FLRT1: variants seen among roughly 807,000 people sequenced by gnomAD.
FLRT1 encodes the protein leucine-rich repeat transmembrane protein FLRT1.
In FLRT1, 14 loss-of-function variants were observed where a neutral mutation model predicts 30.9. The ratio of observed to expected loss-of-function variants is 0.45; its 90% CI spans 0.30 to 0.71. FLRT1 has a LOEUF of 0.71. Among genes scored for constraint, FLRT1 ranks in the 30% least tolerant of loss-of-function variants. The probability of loss-of-function intolerance (pLI) is 0.08; values close to 1 mark genes in which losing one functional copy is unlikely to be tolerated. For missense variants in FLRT1, 737 were observed against 949.2 expected, an observed-to-expected ratio of 0.78 and a Z score of 2.94; for synonymous variants, 368 against 430.4, an observed-to-expected ratio of 0.85 and a Z score of 1.80.
At chr11:64,050,839 G>A (rs543383073) in intron 1 of FLRT1, among the ~76,000 whole-genome samples, 2 of 152,312 alleles carry the variant, frequency 1.3e-5, no homozygotes, top group South Asian at 2.1e-4. Flanking sequence ...GGCTGGTCTC[G>A]AACTCCTGAC....
rs1376784257 is a variant in FLRT1 at position 64,119,010 on chromosome 11, AG to A, written c.*719del. ...CACGCTCCGTAGAAGCCCCGGCGGA[AG>A]CCGTAGCTTTCCCTGCCACCTGGAG... is the stretch of plus-strand genomic sequence containing the variant. On this transcript the variant is annotated 3_prime_UTR_variant, in exon 3 of 3. Coordinates refer to ENST00000682287, the MANE Select transcript of FLRT1 (RefSeq NM_013280.5). 6.0e-6 allele frequency: 1 copy of A among 167,160 alleles called. No individual in the cohort carries two copies. Among genetic ancestry groups the A allele is most frequent in the African/African-American group, 2.4e-5 (1 of 41,424 alleles). 10.4% of individuals were successfully genotyped at this position (167,160 alleles called of 1,614,324 possible).
chr11:64,057,671 A>G (rs1390315901), intron 1 of FLRT1, among the ~76,000 whole-genome samples: 1 of 152,194 alleles, frequency 6.6e-6, no homozygotes, highest in Non-Finnish European at 1.5e-5. Flanking sequence ...CAGGGTCCCC[A>G]GGGTGTCTGC....
At chr11:64,102,961 C>A (rs1437944637) in intron 1 of FLRT1, among the ~76,000 whole-genome samples, 1 of 152,020 alleles carries the variant, frequency 6.6e-6, no homozygotes, top group Non-Finnish European at 1.5e-5. Context: ...GTCCTAGCTC[C>A]TTGGGAGGCT....
chr11:64,050,854 G>A (rs1281695548), intron 1 of FLRT1, among the ~76,000 whole-genome samples: 2 of 152,192 alleles, frequency 1.3e-5, no homozygotes, highest in Non-Finnish European at 2.9e-5. Context: ...CCTGACCTCA[G>A]GTGATCCGCC....
At chr11:64,037,021 G>C (rs916621645) in intron 1 of FLRT1, among the ~76,000 whole-genome samples, 2 of 152,230 alleles carry the variant, frequency 1.3e-5, no homozygotes, top group African/African-American at 4.8e-5. Flanking sequence ...GTGGCCCCGG[G>C]AGGTCTTCGA....
rs147245411 is a variant in FLRT1 at position 64,088,760 on chromosome 11, G to A, written c.-1037-14434G>A. Among the ~76,000 whole-genome samples, 14 of 152,242 alleles carry A rather than the reference G, an allele frequency of 9.2e-5. No homozygotes were observed. In the East Asian group the frequency reaches 2.5e-3, roughly 27 times the overall value. ...AGGTCACTAAGAGCACGAGATGAAC[G>A]ACAGCAGACAGTAAGAGACTGAACA... On this transcript the variant is annotated intron_variant, in intron 1 of 2. Transcript: ENST00000682287.
intron 2 of FLRT1, among the ~76,000 whole-genome samples, chr11:64,115,990 A>G (rs183983859): frequency 2.3e-3 from 352 of 152,298 alleles, no homozygotes; most frequent in Middle Eastern, 0.017. Context: ...TTGGCTCCTG[A>G]TAAGATTTAA....
intron 1 of FLRT1, among the ~76,000 whole-genome samples, chr11:64,079,332 C>A (rs1944262830): frequency 6.6e-6 from 1 of 150,552 alleles, no homozygotes; most frequent in Non-Finnish European, 1.5e-5. Flanking sequence ...GGGGTCTGCC[C>A]TCTGGGAGGT....
rs371219543 is a variant in FLRT1, at chr11:64,117,563, G to A, written c.1296G>A (p.Thr432=). Residue 432 remains threonine (T), a synonymous_variant, in exon 3 of 3, where the codon ACG becomes ACA. Transcript: ENST00000682287. ...PDSNIDYPMA[T]GDGAKTLAIH... is the part of the protein sequence containing the mutation. Reference sequence around the variant, plus strand: ...CCAACATTGACTACCCCATGGCCACGGGTGATGGCGCCAAGACCCTGGCCA... The same window carrying A: ...CCAACATTGACTACCCCATGGCCACAGGTGATGGCGCCAAGACCCTGGCCA... The A allele has an allele frequency of 3.1e-5, 50 of 1,606,956 alleles. No individual in the cohort carries two copies. The highest frequency in any genetic ancestry group is 1.1e-4 in the East Asian group (5 of 44,758).
At chr11:64,093,047 G>A (rs1037595012) in intron 1 of FLRT1, among the ~76,000 whole-genome samples, 1 of 152,194 alleles carries the variant, frequency 6.6e-6, no homozygotes, top group Non-Finnish European at 1.5e-5. Context: ...CCGGAGTGGA[G>A]AGAGGAGTGA....
At chr11:64,087,099 T>C (rs1261855327) in intron 1 of FLRT1, 1 of 152,146 alleles carries the variant, frequency 6.6e-6, no homozygotes, top group Non-Finnish European at 1.5e-5. Context: ...ACATCCCCAC[T>C]GGTAAATGAT....
chr11:64,065,440 A>G (rs1338211158), intron 1 of FLRT1, among the ~76,000 whole-genome samples: 1 of 152,156 alleles, frequency 6.6e-6, no homozygotes, highest in African/African-American at 2.4e-5. Context: ...ACATTTACTG[A>G]GGCTCCAGAG....
intron 1 of FLRT1, among the ~76,000 whole-genome samples, chr11:64,084,534 G>A (rs1289238967): frequency 6.6e-6 from 1 of 152,214 alleles, no homozygotes; most frequent in African/African-American, 2.4e-5. Context: ...CATCGCTGCT[G>A]CAGGCCTGAG....
intron 1 of FLRT1, among the ~76,000 whole-genome samples, chr11:64,057,948 G>A (rs895384936): frequency 1.3e-5 from 2 of 152,174 alleles, no homozygotes; most frequent in Non-Finnish European, 2.9e-5. Flanking sequence ...CCACCCCTGG[G>A]CTCCCAAGAC....
rs1279972577 is a variant in FLRT1, at chr11:64,116,205, T to C, written c.-49-14T>C. ...CGCCTCCCTCTCACTGCCCCTGTCC[T>C]GTGCTCCTTGCAGGTATTCAGGCTC... is the stretch of plus-strand genomic sequence containing the variant. On this transcript the variant is annotated splice_polypyrimidine_tract_variant and intron_variant, in intron 2 of 2. Coordinates refer to ENST00000682287, the MANE Select transcript of FLRT1 (RefSeq NM_013280.5). 12 of 1,547,462 alleles carry C rather than the reference T, an allele frequency of 7.8e-6. No homozygotes were observed. In the African/African-American group the frequency reaches 1.6e-4, roughly 21 times the overall value.
At chr11:64,073,930 G>T (rs1944154749) in intron 1 of FLRT1, among the ~76,000 whole-genome samples, 1 of 152,162 alleles carries the variant, frequency 6.6e-6, no homozygotes, top group African/African-American at 2.4e-5. Flanking sequence ...TGGGCTGAAG[G>T]TCAGGGAGGG....
At chr11:64,108,030 T>C (rs1330041404) in intron 2 of FLRT1, among the ~76,000 whole-genome samples, 1 of 152,120 alleles carries the variant, frequency 6.6e-6, no homozygotes, top group Admixed American at 6.6e-5. Flanking sequence ...GTAGATCGTT[T>C]ATGGTCAGAT....
chr11:64,090,568 C>A lies in FLRT1; in HGVS notation c.-1037-12626C>A, dbSNP rs900399851. On this transcript the variant is annotated intron_variant, in intron 1 of 2. Coordinates refer to ENST00000682287, the MANE Select transcript of FLRT1 (RefSeq NM_013280.5). This position sits in a 1 kb window ranked among gnomAD's most constrained non-coding sequence, Gnocchi z 4.7. ...TCACAGGTGGCTGGGCCAGGAGGCTCCGGGATGAGGCAGGAAGTGGAGGCT... is the reference window on the plus strand; with the variant it reads ...TCACAGGTGGCTGGGCCAGGAGGCTACGGGATGAGGCAGGAAGTGGAGGCT... 5.9e-5 allele frequency among the ~76,000 whole-genome samples: 9 copies of A among 152,162 alleles called. No individual in the cohort carries two copies. Among genetic ancestry groups the A allele is most frequent in the Non-Finnish European group, 1.0e-4 (7 of 68,022 alleles).
At chr11:64,065,998 T>C (rs1018233181) in intron 1 of FLRT1, among the ~76,000 whole-genome samples, 1 of 151,988 alleles carries the variant, frequency 6.6e-6, no homozygotes, top group African/African-American at 2.4e-5. Flanking sequence ...GCCAAGTGGC[T>C]ATAAAGATGA....
Sources: gnomAD v4.1 joint callset for allele counts (sites outside exome capture counted in the v4.1 genomes callset) on GRCh38, gnomAD v4.1.1 for gene constraint, Gnocchi (gnomAD v3.1) non-coding constraint, MANE v1.5 for transcripts, NCBI Gene and HGNC (gene_info 2026-07-23, HGNC 2026-07-21) for gene names.